The following VPS41 variants were observed in gnomAD, a reference collection of about 807,000 sequenced individuals.
VPS41 encodes the protein VPS41 subunit of HOPS complex.
A neutral mutation model predicts 130.9 loss-of-function variants in VPS41; 85 were observed. The ratio of observed to expected loss-of-function variants is 0.65; its 90% CI spans 0.55 to 0.78. VPS41 has a LOEUF of 0.78. Ranked by LOEUF, VPS41 falls within the 30% of genes least tolerant of loss-of-function variation. VPS41 has a pLI of 0.00. For synonymous variants in VPS41, 335 were observed against 332.9 expected (o/e 1.01, Z -0.07); for missense variants, 874 against 1,018.7 (o/e 0.86, Z 1.93).
chr7:38,833,206 T>G (rs1457089399), intron 4 of VPS41, among the ~76,000 whole-genome samples: 1 of 152,178 alleles, frequency 6.6e-6, no homozygotes, highest in African/African-American at 2.4e-5. Flanking sequence ...TGGTCCATCA[T>G]TCTCATATGG....
At chr7:38,772,094 C>T (rs1024144490) in intron 13 of VPS41, among the ~76,000 whole-genome samples, 7 of 151,854 alleles carry the variant, frequency 4.6e-5, no homozygotes, top group Admixed American at 3.3e-4. Context: ...TTAATCTAAG[C>T]CAAACCTCAA....
intron 27 of VPS41, among the ~76,000 whole-genome samples, chr7:38,727,349 G>C (rs1485653629): frequency 6.6e-6 from 1 of 152,146 alleles, no homozygotes; most frequent in East Asian, 1.9e-4. Context: ...TGCTTTGCCA[G>C]TCCACCTGCT....
chr7:38,803,821 G>C (rs1784783468), intron 7 of VPS41, among the ~76,000 whole-genome samples: 1 of 152,194 alleles, frequency 6.6e-6, no homozygotes, highest in African/African-American at 2.4e-5. Flanking sequence ...TATGGAGCAG[G>C]TAAGTGTCTT....
chr7:38,889,222 G>T (rs1416204829), intron 2 of VPS41, among the ~76,000 whole-genome samples: 2 of 151,852 alleles, frequency 1.3e-5, no homozygotes, highest in Non-Finnish European at 2.9e-5. Flanking sequence ...AGTATTTGGA[G>T]AAAAAATGGT....
At chr7:38,888,371 G>A (rs191263384) in intron 2 of VPS41, among the ~76,000 whole-genome samples, 10 of 152,258 alleles carry the variant, frequency 6.6e-5, no homozygotes, top group Admixed American at 2.6e-4. Context: ...AGCAGGGGTT[G>A]CAATCCTGGA....
At chr7:38,858,533 AT>A (rs1786033535) in intron 4 of VPS41, among the ~76,000 whole-genome samples, 1 of 152,182 alleles carries the variant, frequency 6.6e-6, no homozygotes, top group Admixed American at 6.5e-5. Flanking sequence ...TTAGAACTTT[AT>A]TTTTGGTTTA....
intron 2 of VPS41, among the ~76,000 whole-genome samples, chr7:38,883,169 G>A (rs997206769): frequency 1.1e-4 from 17 of 152,186 alleles, no homozygotes; most frequent in African/African-American, 4.1e-4. Flanking sequence ...CTTGAACCTG[G>A]GAGGCAGAGG....
At chr7:38,790,905 T>C (rs904632333) in intron 9 of VPS41, among the ~76,000 whole-genome samples, 2 of 152,256 alleles carry the variant, frequency 1.3e-5, no homozygotes, top group Non-Finnish European at 1.5e-5. Context: ...TTAGGACTTT[T>C]GTTTACTTAG....
At chr7:38,879,891 T>TAAAA (rs11406848) in intron 2 of VPS41, among the ~76,000 whole-genome samples, 20 of 146,062 alleles carry the variant, frequency 1.4e-4, no homozygotes, top group Non-Finnish European at 2.4e-4. Flanking sequence ...GTCATTTCTT[T>TAAAA]AAAAAAAAAA....
chr7:38,871,668 A>G (rs1451430923), intron 2 of VPS41, among the ~76,000 whole-genome samples: 1 of 152,210 alleles, frequency 6.6e-6, no homozygotes, highest in African/African-American at 2.4e-5. Flanking sequence ...TCCAAAGAAA[A>G]TGATGCTACA....
At chr7:38,744,888 C>T (rs980052592) in intron 23 of VPS41, among the ~76,000 whole-genome samples, 1 of 152,124 alleles carries the variant, frequency 6.6e-6, no homozygotes, top group Non-Finnish European at 1.5e-5. Context: ...AGGCGTAAAG[C>T]GGAAAAACCC....
chr7:38,881,828 A>G (rs1280958655), intron 2 of VPS41, among the ~76,000 whole-genome samples: 4 of 152,140 alleles, frequency 2.6e-5, no homozygotes, highest in African/African-American at 9.7e-5. Flanking sequence ...TCATTCATTC[A>G]CTGACGAGCA....
intron 7 of VPS41, among the ~76,000 whole-genome samples, chr7:38,813,162 T>C (rs901968785): frequency 2.0e-5 from 3 of 152,026 alleles, no homozygotes; most frequent in African/African-American, 7.2e-5. Context: ...ACATGATAGA[T>C]CTATACAATG....
intron 18 of VPS41, among the ~76,000 whole-genome samples, chr7:38,757,592 C>T (rs144560737): frequency 1.4e-4 from 21 of 152,202 alleles, no homozygotes; most frequent in African/African-American, 4.6e-4. Flanking sequence ...ACTTAGAATG[C>T]CATAAACACA....
intron 28 of VPS41, 92 bp from the exon 29 acceptor site, chr7:38,726,418 G>C (rs1795546555): frequency 3.1e-6 from 3 of 973,608 alleles, no homozygotes. Flanking sequence ...TAGTCAGGGG[G>C]TGGAGAGGAA....
At position 38,869,161 on chromosome 7, in the gene VPS41, C is replaced by T. The variant is rs746867972; in HGVS notation, c.153G>A (p.Met51Ile). 28 of 1,597,442 alleles carry T rather than the reference C, an allele frequency of 1.8e-5. No individual in the cohort carries two copies. Among genetic ancestry groups the T allele is most frequent in the Non-Finnish European group, 2.3e-5 (27 of 1,169,678 alleles). The change falls in exon 3 of 29, where the codon ATG becomes ATA. Residue 51 changes from methionine (M) to isoleucine (I), a missense_variant. Coordinates refer to ENST00000310301, the MANE Select transcript of VPS41 (RefSeq NM_014396.4). ...EILQKDAASC[M>I]TVHDKFLALG... ...GCTATCTTACCTTGTCATGGACTGTCATGCAGCTAGCTGCATCCTTCTGAA... is the reference window on the plus strand; with the variant it reads ...GCTATCTTACCTTGTCATGGACTGTTATGCAGCTAGCTGCATCCTTCTGAA...
intron 4 of VPS41, among the ~76,000 whole-genome samples, chr7:38,853,847 TG>T (rs527757057): frequency 3.9e-5 from 6 of 152,358 alleles, no homozygotes; most frequent in Admixed American, 3.9e-4. Context: ...TTTGCCTAAA[TG>T]TAGTTACCAC....
At chr7:38,749,435 T>A (rs1796049534) in intron 22 of VPS41, among the ~76,000 whole-genome samples, 1 of 152,212 alleles carries the variant, frequency 6.6e-6, no homozygotes, top group South Asian at 2.1e-4. Flanking sequence ...TATAGTGTTC[T>A]GCCAGAGGTA....
At position 38,795,575 on chromosome 7, in the gene VPS41, T is replaced by C; in HGVS notation, c.607A>G (p.Ile203Val). 1 of 1,612,630 alleles carries C rather than the reference T, an allele frequency of 6.2e-7. No individual in the cohort carries two copies. The highest frequency in any genetic ancestry group is 1.7e-4 in the Middle Eastern group (1 of 6,050). Reference sequence around the variant, plus strand: ...ATATCATCCCGGGGCACATTGGTGATTCTTTGCTTTGAGATGATGTCAAAA... The same window carrying C: ...ATATCATCCCGGGGCACATTGGTGACTCTTTGCTTTGAGATGATGTCAAAA... ...KIFDIISKQR[I>V]TNVPRDDISL... is the part of the protein sequence containing the mutation. The change falls in exon 9 of 29, where the codon ATC (isoleucine) becomes GTC (valine). Residue 203 changes from isoleucine (I) to valine (V), a missense_variant. Transcript: ENST00000310301.
Sources: allele counts gnomAD v4.1 joint callset (sites outside exome capture counted in the v4.1 genomes callset), GRCh38; gene constraint gnomAD v4.1.1; transcripts MANE v1.5; gene names NCBI Gene and HGNC (gene_info 2026-07-23, HGNC 2026-07-21).